The following SLC39A11 variants were observed in gnomAD, a reference collection of about 807,000 sequenced individuals.
SLC39A11 encodes the protein solute carrier family 39 member 11.
Under a neutral mutation model 36.1 loss-of-function variants are expected in SLC39A11, and 33 were observed. That is an observed-to-expected ratio of 0.91 (90% CI 0.69 to 1.22). SLC39A11 has a LOEUF of 1.22. Among genes scored for constraint, SLC39A11 ranks in the 50% most tolerant of loss-of-function variants. The pLI is 0.00. For synonymous variants in SLC39A11, 166 were observed against 170.3 expected, an observed-to-expected ratio of 0.97 and a Z score of 0.20; for missense variants, 432 against 430.3, an observed-to-expected ratio of 1.00 and a Z score of -0.03.
At chr17:73,047,094 G>A (rs373745893) in intron 3 of SLC39A11, among the ~76,000 whole-genome samples, 1 of 146,124 alleles carries the variant, frequency 6.8e-6, no homozygotes, top group Admixed American at 7.0e-5. Flanking sequence ...GCACCATCTC[G>A]GCTCACTGCA....
At chr17:72,943,508 A>G (rs1221784048) in intron 5 of SLC39A11, among the ~76,000 whole-genome samples, 1 of 152,230 alleles carries the variant, frequency 6.6e-6, no homozygotes, top group Non-Finnish European at 1.5e-5. Flanking sequence ...TAGGGCATTA[A>G]GAGAAAAATC....
At chr17:72,716,935 C>G (rs1022983439) in intron 7 of SLC39A11, among the ~76,000 whole-genome samples, 1 of 148,180 alleles carries the variant, frequency 6.7e-6, no homozygotes, top group African/African-American at 2.5e-5. Context: ...TGCCACTGCA[C>G]TCCACCCTGG....
intron 3 of SLC39A11, among the ~76,000 whole-genome samples, chr17:73,060,153 T>A (rs1345412343): frequency 3.6e-5 from 5 of 139,230 alleles, no homozygotes; most frequent in Non-Finnish European, 7.5e-5. Context: ...GAAGTTGCAG[T>A]GAGCCGAGAT....
intron 3 of SLC39A11, among the ~76,000 whole-genome samples, chr17:73,081,861 G>T (rs1216876624): frequency 1.3e-5 from 2 of 151,040 alleles, no homozygotes; most frequent in East Asian, 3.9e-4. Flanking sequence ...TCTATGTGAA[G>T]TAACTCAGGA....
chr17:72,975,074 G>A (rs151171905), intron 4 of SLC39A11, among the ~76,000 whole-genome samples: 36 of 152,240 alleles, frequency 2.4e-4, no homozygotes, highest in African/African-American at 5.5e-4. Context: ...TATCCCCACC[G>A]TTGAGTAATG....
chr17:72,975,980 C>T (rs2087812707), intron 4 of SLC39A11, among the ~76,000 whole-genome samples: 1 of 151,496 alleles, frequency 6.6e-6, no homozygotes, highest in Non-Finnish European at 1.5e-5. Context: ...ACTATCCTGG[C>T]TGAAATGGTG....
chr17:72,971,684 C>T (rs1053992832), intron 4 of SLC39A11, among the ~76,000 whole-genome samples: 8 of 152,350 alleles, frequency 5.3e-5, no homozygotes, highest in African/African-American at 1.9e-4. Flanking sequence ...GGCCGCCCCC[C>T]AGGAGGACTA....
chr17:72,830,459 A>G (rs2078232045), intron 6 of SLC39A11, among the ~76,000 whole-genome samples: 1 of 152,210 alleles, frequency 6.6e-6, no homozygotes, highest in Admixed American at 6.5e-5. Context: ...GTAAAAACAC[A>G]CACAGAAAAG....
intron 7 of SLC39A11, among the ~76,000 whole-genome samples, chr17:72,657,275 G>A (rs538896862): frequency 1.2e-4 from 18 of 152,244 alleles, no homozygotes; most frequent in African/African-American, 3.6e-4. Flanking sequence ...CATGAGAATC[G>A]CTTGAACCCG....
chr17:72,692,237 T>C (rs1481095732), intron 7 of SLC39A11, among the ~76,000 whole-genome samples: 2 of 152,136 alleles, frequency 1.3e-5, no homozygotes, highest in African/African-American at 4.8e-5. Context: ...GGTCTCGATC[T>C]CCTGACCTTG....
chr17:72,822,161 A>G (rs906095877), intron 6 of SLC39A11: 1 of 150,946 alleles, frequency 6.6e-6, no homozygotes, highest in African/African-American at 2.4e-5. Flanking sequence ...AGTAGGAGAC[A>G]ATATGAAAAA....
At chr17:72,985,617 T>A (rs1332446636) in intron 4 of SLC39A11, among the ~76,000 whole-genome samples, 3 of 152,132 alleles carry the variant, frequency 2.0e-5, no homozygotes, top group African/African-American at 7.2e-5. Flanking sequence ...TTCGCCATGT[T>A]GGCCAGGCTG....
chr17:72,905,521 TG>T (rs1235071068), intron 5 of SLC39A11, among the ~76,000 whole-genome samples: 1 of 151,220 alleles, frequency 6.6e-6, no homozygotes, highest in African/African-American at 2.4e-5. Context: ...TGCTTGAACC[TG>T]GGGGACGGAG....
chr17:72,844,536 G>T (rs1049651092), intron 6 of SLC39A11, among the ~76,000 whole-genome samples: 1 of 152,134 alleles, frequency 6.6e-6, no homozygotes, highest in African/African-American at 2.4e-5. Flanking sequence ...AGGTGTCGTG[G>T]CATGCGCCTG....
At chr17:72,920,043 C>T (rs7211572) in intron 5 of SLC39A11, among the ~76,000 whole-genome samples, 32,620 of 152,110 alleles carry the variant, frequency 0.21, 3,668 homozygotes, top group East Asian at 0.38. Flanking sequence ...TCAATAGATT[C>T]GGCTGGTGTG....
chr17:72,681,672 G>A (rs1201223663), intron 7 of SLC39A11, among the ~76,000 whole-genome samples: 1 of 152,154 alleles, frequency 6.6e-6, no homozygotes, highest in African/African-American at 2.4e-5. Flanking sequence ...AACTGTGCAG[G>A]TCCACTTACA....
intron 7 of SLC39A11, among the ~76,000 whole-genome samples, chr17:72,725,911 C>G (rs2567478): frequency 0.57 from 86,407 of 152,098 alleles, 25,296 homozygotes; most frequent in Middle Eastern, 0.67. Context: ...CGAAGTGACT[C>G]AAGGGTGGGA....
intron 6 of SLC39A11, among the ~76,000 whole-genome samples, chr17:72,808,351 G>T (rs1004386762): frequency 6.6e-6 from 1 of 152,196 alleles, no homozygotes; most frequent in African/African-American, 2.4e-5. Flanking sequence ...AGCCCTGCAG[G>T]TGGGCTGCCC....
At chr17:72,773,862 G>A (rs1257338872) in intron 6 of SLC39A11, among the ~76,000 whole-genome samples, 1 of 152,208 alleles carries the variant, frequency 6.6e-6, no homozygotes, top group East Asian at 1.9e-4. Flanking sequence ...AGGAACAGGG[G>A]CTGAAGCGCG....
Sources: allele counts gnomAD v4.1 joint callset (sites outside exome capture counted in the v4.1 genomes callset), GRCh38; gene constraint gnomAD v4.1.1; transcripts MANE v1.5; gene names NCBI Gene and HGNC (gene_info 2026-07-23, HGNC 2026-07-21).